The following TCF7L1 variants were observed in gnomAD, a reference collection of about 807,000 sequenced individuals.
TCF7L1 encodes transcription factor 7 like 1, also known as transcription factor 7-like 1.
Under a neutral mutation model 63.7 loss-of-function variants are expected in TCF7L1, and 18 were observed. The ratio of observed to expected loss-of-function variants is 0.28; its 90% CI spans 0.20 to 0.42. The LOEUF (loss-of-function observed/expected upper bound fraction) is 0.42, where lower values mean the gene tolerates loss of function less well. TCF7L1 is among the 10% of genes least tolerant of loss of function. TCF7L1 has a pLI of 1.00. For synonymous variants in TCF7L1, 355 were observed against 340.9 expected, an observed-to-expected ratio of 1.04 and a Z score of -0.46; for missense variants, 654 against 779.3, an observed-to-expected ratio of 0.84 and a Z score of 1.91.
intron 4 of TCF7L1, among the ~76,000 whole-genome samples, chr2:85,287,144 T>C (rs1176184583): frequency 6.6e-6 from 1 of 152,196 alleles, no homozygotes. Flanking sequence ...CAGCCCGGCT[T>C]AGCGCTTCAG....
chr2:85,204,004 GC>G (rs2104281235), intron 3 of TCF7L1, among the ~76,000 whole-genome samples: 1 of 152,168 alleles, frequency 6.6e-6, no homozygotes, highest in African/African-American at 2.4e-5. Context: ...CCTACCTCAT[GC>G]CACACTCAAA....
At chr2:85,253,964 G>C (rs1223282772) in intron 3 of TCF7L1, among the ~76,000 whole-genome samples, 1 of 152,240 alleles carries the variant, frequency 6.6e-6, no homozygotes, top group Admixed American at 6.5e-5. Context: ...GTGGCAGCAG[G>C]AGACTGAGTG....
intron 3 of TCF7L1, among the ~76,000 whole-genome samples, chr2:85,163,005 C>T (rs1558620701): frequency 1.3e-5 from 2 of 152,106 alleles, no homozygotes; most frequent in Non-Finnish European, 2.9e-5. Context: ...AGAGCACACT[C>T]CCCAGAACCA....
chr2:85,166,053 C>T (rs892909044), intron 3 of TCF7L1, among the ~76,000 whole-genome samples: 2 of 152,162 alleles, frequency 1.3e-5, no homozygotes, highest in Non-Finnish European at 2.9e-5. Flanking sequence ...AAAACTTGAT[C>T]GGGAGGCAAA....
chr2:85,160,764 A>T (rs1443494264), intron 3 of TCF7L1, among the ~76,000 whole-genome samples: 1 of 152,028 alleles, frequency 6.6e-6, no homozygotes, highest in Non-Finnish European at 1.5e-5. Flanking sequence ...AGGTGGGAGG[A>T]TCACTTTAGC....
chr2:85,289,669 T>A (rs904629689), intron 4 of TCF7L1, among the ~76,000 whole-genome samples: 1 of 152,202 alleles, frequency 6.6e-6, no homozygotes, highest in South Asian at 2.1e-4. Flanking sequence ...TAGACATAGA[T>A]GGTTTCCAGT....
Position 85,304,386 on chromosome 2 carries a change from G to A in TCF7L1, c.845+48G>A, listed in dbSNP as rs375891082. The stretch of plus-strand genomic sequence containing the variant: ...TCCGCATGTTTGTCTTAGCAACCAC[G>A]CCATTTCTGACCACGAAACAGCTTT... On this transcript the variant is annotated intron_variant, in intron 7 of 11. Coordinates refer to ENST00000282111, the MANE Select transcript of TCF7L1 (RefSeq NM_031283.3). The A allele has an allele frequency of 8.2e-6, 13 of 1,586,540 alleles. No individual in the cohort carries two copies. The African/African-American group carries it at 9.4e-5, about 12-fold the overall frequency.
Position 85,180,221 on chromosome 2 carries a change from TG to T in TCF7L1, c.441+45772del, listed in dbSNP as rs11315415. Among the ~76,000 whole-genome samples the T allele has an allele frequency of 4.0e-5, 6 of 149,986 alleles. 1 individual carries two copies. The highest frequency in any genetic ancestry group is 1.5e-4 in the African/African-American group (6 of 39,988). ...TGATCTGCAAAGTGGTTTTTTTTTT[TG>T]TTTTTGTTTTTGTTTTTTTTTTTGG... On this transcript the variant is annotated intron_variant, in intron 3 of 11. Coordinates refer to ENST00000282111, the MANE Select transcript of TCF7L1 (RefSeq NM_031283.3).
intron 4 of TCF7L1, among the ~76,000 whole-genome samples, chr2:85,288,741 C>T (rs1441473997): frequency 6.6e-6 from 1 of 152,166 alleles, no homozygotes; most frequent in Non-Finnish European, 1.5e-5. Flanking sequence ...TAAAGACTAA[C>T]AGTAACATTG....
intron 3 of TCF7L1, among the ~76,000 whole-genome samples, chr2:85,174,834 C>G (rs543704420): frequency 6.6e-6 from 1 of 152,374 alleles, no homozygotes; most frequent in African/African-American, 2.4e-5. Flanking sequence ...AGCCTCTGCT[C>G]CTACATCCTT....
Position 85,309,076 on chromosome 2 carries a change from C to T in TCF7L1, c.1381C>T (p.Pro461Ser), listed in dbSNP as rs1388088432. ...GAAGCCATGTGTTCAGTACCTGCCC[C>T]CCGAGAAGCCCTGTGACAGCCCTGC... ...SKKPCVQYLPPEKPCDSPASS... is the reference protein window; with the variant it reads ...SKKPCVQYLPSEKPCDSPASS... Residue 461 changes from proline (P) to serine (S), a missense_variant, in exon 12 of 12, where the codon CCC becomes TCC. Physicochemically the swap from Pro to Ser is moderately conservative, Grantham distance 74. Coordinates refer to ENST00000282111, the MANE Select transcript of TCF7L1 (RefSeq NM_031283.3). The T allele has an allele frequency of 1.2e-6, 2 of 1,612,966 alleles. No homozygotes were observed. Among genetic ancestry groups the T allele is most frequent in the Non-Finnish European group, 1.7e-6 (2 of 1,179,536 alleles).
intron 3 of TCF7L1, among the ~76,000 whole-genome samples, chr2:85,153,203 C>T (rs962151505): frequency 1.3e-4 from 20 of 152,314 alleles, no homozygotes; most frequent in African/African-American, 4.8e-4. Flanking sequence ...GGATCTACCT[C>T]ATAGTTGCAA....
At chr2:85,302,759 C>T (rs1038173886) in intron 5 of TCF7L1, 143 bp downstream of exon 5, 5 of 1,128,760 alleles carry the variant, frequency 4.4e-6, no homozygotes, top group Non-Finnish European at 2.5e-6. Context: ...TGTCTGCTAA[C>T]TTTAGCCTTG....
At chr2:85,188,333 A>G (rs1292291811) in intron 3 of TCF7L1, among the ~76,000 whole-genome samples, 4 of 152,228 alleles carry the variant, frequency 2.6e-5, no homozygotes, top group Non-Finnish European at 5.9e-5. Flanking sequence ...GCCAATCTCA[A>G]TATCCTAGTT....
chr2:85,243,310 A>G (rs1680382796), intron 3 of TCF7L1, among the ~76,000 whole-genome samples: 1 of 152,166 alleles, frequency 6.6e-6, no homozygotes, highest in Admixed American at 6.5e-5. Flanking sequence ...CGGCTGCTGC[A>G]GCTTATTGCT....
At chr2:85,136,343 C>T (rs1677593840) in intron 3 of TCF7L1, among the ~76,000 whole-genome samples, 2 of 152,146 alleles carry the variant, frequency 1.3e-5, no homozygotes, top group Non-Finnish European at 2.9e-5. Context: ...TCCTTCCTTC[C>T]TTCTATCACA....
intron 3 of TCF7L1, among the ~76,000 whole-genome samples, chr2:85,192,707 T>G (rs1679061712): frequency 6.6e-6 from 1 of 151,186 alleles, no homozygotes; most frequent in Non-Finnish European, 1.5e-5. Flanking sequence ...TTTTTTTTTT[T>G]TAAGTGCACT....
chr2:85,215,772 G>T (rs1380454337), intron 3 of TCF7L1, among the ~76,000 whole-genome samples: 6 of 138,468 alleles, frequency 4.3e-5, no homozygotes, highest in Non-Finnish European at 7.9e-5. Flanking sequence ...GGGGGTGGGG[G>T]GGGGTGAGGG....
At chr2:85,180,058 G>A (rs1000733836) in intron 3 of TCF7L1, among the ~76,000 whole-genome samples, 1 of 151,990 alleles carries the variant, frequency 6.6e-6, no homozygotes, top group Non-Finnish European at 1.5e-5. Flanking sequence ...TGGCTTAGCC[G>A]GGTCCTGGGA....
Sources: allele counts gnomAD v4.1 joint callset (sites outside exome capture counted in the v4.1 genomes callset), GRCh38; gene constraint gnomAD v4.1.1; transcripts MANE v1.5; gene names NCBI Gene and HGNC (gene_info 2026-07-23, HGNC 2026-07-21).